Variants in PACRG observed in about 807,000 individuals in gnomAD.
PACRG encodes the protein parkin coregulated.
A neutral mutation model predicts 29.7 loss-of-function variants in PACRG; 29 were observed. The observed-to-expected ratio is 0.98, with a 90% CI of 0.73 to 1.33. The LOEUF is 1.33. Ranked by LOEUF, PACRG falls within the 40% of genes most tolerant of loss-of-function variation. The probability of loss-of-function intolerance (pLI) is 0.00; values close to 1 mark genes in which losing one functional copy is unlikely to be tolerated. For synonymous variants in PACRG, 116 were observed against 118.7 expected (o/e 0.98, Z 0.15); for missense variants, 279 against 316.2 (o/e 0.88, Z 0.89).
At chr6:162,823,148 C>G (rs1787981728) in intron 2 of PACRG, among the ~76,000 whole-genome samples, 1 of 152,008 alleles carries the variant, frequency 6.6e-6, no homozygotes, top group Non-Finnish European at 1.5e-5. Flanking sequence ...TTAAGACTAG[C>G]CTGATTTTAT....
chr6:162,958,914 G>T (rs1444748115), intron 2 of PACRG, among the ~76,000 whole-genome samples: 1 of 138,676 alleles, frequency 7.2e-6, no homozygotes, highest in African/African-American at 2.7e-5. Flanking sequence ...GAGAGAGAGA[G>T]AGAGAGAGAG....
intron 3 of PACRG, among the ~76,000 whole-genome samples, chr6:163,085,976 A>T (rs1232106026): frequency 6.6e-6 from 1 of 152,230 alleles, no homozygotes; most frequent in Non-Finnish European, 1.5e-5. Context: ...AGTCTAAGTA[A>T]GTTAATACAG....
chr6:163,238,725 T>G (rs112366895), intron 4 of PACRG, among the ~76,000 whole-genome samples: 1 of 152,236 alleles, frequency 6.6e-6, no homozygotes, highest in Admixed American at 6.5e-5. Context: ...TAACTCTTCT[T>G]TGAGTTCTAT....
rs1323720377 is a variant in PACRG, at chr6:162,990,314, C to T, written c.292-71836C>T. Among the ~76,000 whole-genome samples the T allele has an allele frequency of 2.6e-5, 4 of 152,024 alleles. No individual in the cohort carries two copies. The East Asian group carries it at 7.8e-4, about 29-fold the overall frequency. ...TTCTAGATCCCTGAGAATCGCCACA[C>T]TGACTTCCACAATGGTTGAACTAGT... On this transcript the variant is annotated intron_variant, in intron 2 of 4. Coordinates refer to ENST00000366888, the MANE Select transcript of PACRG (RefSeq NM_001080379.2).
At chr6:163,177,403 G>A (rs549824877) in intron 4 of PACRG, among the ~76,000 whole-genome samples, 2 of 152,306 alleles carry the variant, frequency 1.3e-5, no homozygotes, top group South Asian at 4.1e-4. Flanking sequence ...AGTCAGAGCT[G>A]GGAGGAGAAA....
At chr6:163,259,985 G>A (rs919961005) in intron 4 of PACRG, among the ~76,000 whole-genome samples, 1 of 152,188 alleles carries the variant, frequency 6.6e-6, no homozygotes, top group Non-Finnish European at 1.5e-5. Context: ...AGTTGGAAGA[G>A]GGTGTGTGCC....
At chr6:162,881,966 G>GGGGA (rs1236640743) in intron 2 of PACRG, among the ~76,000 whole-genome samples, 1 of 128,072 alleles carries the variant, frequency 7.8e-6, no homozygotes, top group Admixed American at 7.8e-5. Context: ...ATGGGTGGGG[G>GGGGA]GGGGCACTCT....
intron 2 of PACRG, among the ~76,000 whole-genome samples, chr6:163,032,262 A>G (rs1807737352): frequency 6.6e-6 from 1 of 152,232 alleles, no homozygotes; most frequent in Non-Finnish European, 1.5e-5. Context: ...ATTACTTTAG[A>G]CTTTCATTAG....
chr6:163,202,080 G>A (rs1780723114), intron 4 of PACRG, among the ~76,000 whole-genome samples: 1 of 152,206 alleles, frequency 6.6e-6, no homozygotes, highest in South Asian at 2.1e-4. Context: ...GAGCAGGCCC[G>A]TTGGGGCAGC....
At chr6:163,147,193 A>C (rs1166434577) in intron 4 of PACRG, among the ~76,000 whole-genome samples, 1 of 152,236 alleles carries the variant, frequency 6.6e-6, no homozygotes, top group Non-Finnish European at 1.5e-5. Flanking sequence ...TGATCCACAC[A>C]GTTCAATGTA....
intron 4 of PACRG, among the ~76,000 whole-genome samples, chr6:163,136,998 G>T (rs944260317): frequency 6.6e-6 from 1 of 152,156 alleles, no homozygotes; most frequent in African/African-American, 2.4e-5. Flanking sequence ...AGTTTAAACG[G>T]AACTCCTATT....
In PACRG at chr6:163,263,222, C is replaced by G. The variant is rs556095100; in HGVS notation, c.614-51605C>G. On this transcript the variant is annotated intron_variant, in intron 4 of 4. Coordinates refer to ENST00000366888, the MANE Select transcript of PACRG (RefSeq NM_001080379.2). The stretch of plus-strand genomic sequence containing the variant: ...TCGTCATGCCAAGGGGCTGAGAACC[C>G]TTCCCTTCCCATCCCGAGAGCCCAG... Among the ~76,000 whole-genome samples the G allele has an allele frequency of 5.9e-5, 9 of 151,476 alleles. No homozygotes were observed. The South Asian group carries it at 1.9e-3, about 32-fold the overall frequency.
chr6:163,228,453 A>C (rs1287356891), intron 4 of PACRG, among the ~76,000 whole-genome samples: 1 of 152,006 alleles, frequency 6.6e-6, no homozygotes, highest in Non-Finnish European at 1.5e-5. Flanking sequence ...GCGGAGGCTC[A>C]ACATGTGCTG....
At chr6:162,788,358 G>T (rs1258127186) in intron 1 of PACRG, among the ~76,000 whole-genome samples, 2 of 151,988 alleles carry the variant, frequency 1.3e-5, no homozygotes, top group African/African-American at 4.8e-5. Context: ...TTGTTTTTTA[G>T]TGCTGAATAA....
chr6:163,007,060 A>G (rs767779999), intron 2 of PACRG, among the ~76,000 whole-genome samples: 29 of 151,762 alleles, frequency 1.9e-4, no homozygotes, highest in Admixed American at 5.2e-4. Flanking sequence ...CTTGTATTTC[A>G]TGTATTTGTT....
intron 4 of PACRG, among the ~76,000 whole-genome samples, chr6:163,218,775 G>A (rs547067869): frequency 6.6e-6 from 1 of 152,302 alleles, no homozygotes; most frequent in South Asian, 2.1e-4. Context: ...GCAGGGCTCG[G>A]GCTACCCTCT....
intron 2 of PACRG, among the ~76,000 whole-genome samples, chr6:162,975,449 T>C (rs527681422): frequency 1.3e-5 from 2 of 152,354 alleles, no homozygotes; most frequent in East Asian, 3.9e-4. Context: ...TTACCACAAA[T>C]TCCTTGTACA....
At chr6:163,214,030 T>C (rs1467460779) in intron 4 of PACRG, among the ~76,000 whole-genome samples, 1 of 152,210 alleles carries the variant, frequency 6.6e-6, no homozygotes, top group Non-Finnish European at 1.5e-5. Flanking sequence ...GACTCGATTC[T>C]GTTCTTAACT....
intron 3 of PACRG, 110 bp downstream of exon 3, chr6:163,062,431 G>A: frequency 7.9e-7 from 1 of 1,260,568 alleles, no homozygotes; most frequent in Non-Finnish European, 1.1e-6. Context: ...CAGTTTTGCA[G>A]GAATTTTCAT....
Sources: gnomAD v4.1 joint callset for allele counts (sites outside exome capture counted in the v4.1 genomes callset) on GRCh38, gnomAD v4.1.1 for gene constraint, MANE v1.5 for transcripts, NCBI Gene and HGNC (gene_info 2026-07-23, HGNC 2026-07-21) for gene names.